The following CNTN5 variants were observed in gnomAD, a reference collection of about 807,000 sequenced individuals.
CNTN5 encodes contactin-5.
In CNTN5, 77 loss-of-function variants were observed where a neutral mutation model predicts 129.1. The observed-to-expected ratio is 0.60, with a 90% confidence interval of 0.50 to 0.72. CNTN5 has a LOEUF of 0.72. CNTN5 is among the 30% of genes least tolerant of loss of function. CNTN5 has a pLI of 0.00. For synonymous variants in CNTN5, 509 were observed against 465.6 expected (o/e 1.09, Z -1.20); for missense variants, 1,478 against 1,328.8 (o/e 1.11, Z -1.75).
chr11:100,102,617 TAAAAG>T (rs1431743980), intron 13 of CNTN5, among the ~76,000 whole-genome samples: 1 of 151,970 alleles, frequency 6.6e-6, no homozygotes, highest in African/African-American at 2.4e-5. Flanking sequence ...CAAAAACTGA[TAAAAG>T]AATAATTTAG....
chr11:100,035,025 G>C (rs1344676193), intron 9 of CNTN5, among the ~76,000 whole-genome samples: 2 of 152,056 alleles, frequency 1.3e-5, no homozygotes, highest in Admixed American at 6.5e-5. Context: ...CAACGTGCAG[G>C]TTTGTTACAT....
intron 1 of CNTN5, among the ~76,000 whole-genome samples, chr11:99,164,236 T>C (rs1860765717): frequency 6.6e-6 from 1 of 151,166 alleles, no homozygotes; most frequent in Admixed American, 6.6e-5. Context: ...TGAGGCAGAA[T>C]TGTCTGAACC....
At chr11:99,075,567 G>T (rs898555811) in intron 1 of CNTN5, among the ~76,000 whole-genome samples, 2 of 152,160 alleles carry the variant, frequency 1.3e-5, no homozygotes, top group Non-Finnish European at 2.9e-5. Flanking sequence ...ATATGAAAGA[G>T]AAATTGTAGT....
chr11:99,743,480 G>C (rs1327925092), intron 3 of CNTN5, among the ~76,000 whole-genome samples: 2 of 152,280 alleles, frequency 1.3e-5, no homozygotes, highest in Admixed American at 1.3e-4. Context: ...GCCTGAACAA[G>C]TTATTAACCC....
chr11:100,233,866 A>T (rs975885415), intron 16 of CNTN5, among the ~76,000 whole-genome samples: 2 of 152,166 alleles, frequency 1.3e-5, no homozygotes, highest in African/African-American at 4.8e-5. Flanking sequence ...GTGAACAGAC[A>T]ACCTACAGAA....
intron 1 of CNTN5, among the ~76,000 whole-genome samples, chr11:99,066,947 G>T (rs1405673036): frequency 6.6e-6 from 1 of 151,950 alleles, no homozygotes; most frequent in African/African-American, 2.4e-5. Flanking sequence ...ACCAATCCAG[G>T]GGCTTTCATC....
Position 100,162,395 on chromosome 11 carries a change from A to G in CNTN5, c.1581-28731A>G, listed in dbSNP as rs540184783. Among the ~76,000 whole-genome samples, 10 of 152,068 alleles carry G rather than the reference A, an allele frequency of 6.6e-5. 1 individual carries two copies. In the South Asian group the frequency reaches 1.9e-3, roughly 28 times the overall value. ...ATGTTTTGTTAGCCTAATACTAGTTATTGTATTTGAGAATAACAAATTATT... is the reference window on the plus strand; with the variant it reads ...ATGTTTTGTTAGCCTAATACTAGTTGTTGTATTTGAGAATAACAAATTATT... On this transcript the variant is annotated intron_variant, in intron 13 of 24. Coordinates refer to ENST00000524871, the MANE Select transcript of CNTN5 (RefSeq NM_014361.4).
chr11:99,051,068 C>T (rs1029581038), intron 1 of CNTN5, among the ~76,000 whole-genome samples: 4 of 151,708 alleles, frequency 2.6e-5, no homozygotes, highest in Non-Finnish European at 4.4e-5. Context: ...ATTAACATGG[C>T]CAAATTACTT....
At chr11:99,627,989 T>C (rs1951191621) in intron 3 of CNTN5, among the ~76,000 whole-genome samples, 1 of 150,424 alleles carries the variant, frequency 6.6e-6, no homozygotes, top group Non-Finnish European at 1.5e-5. Context: ...CATTCTTATT[T>C]GTGTTGGATT....
chr11:99,166,367 C>G (rs1860865852), intron 1 of CNTN5, among the ~76,000 whole-genome samples: 1 of 148,940 alleles, frequency 6.7e-6, no homozygotes, highest in African/African-American at 2.5e-5. Flanking sequence ...CGCCATTGCA[C>G]CCAGCCTGGG....
intron 7 of CNTN5, among the ~76,000 whole-genome samples, chr11:99,948,090 C>T (rs1950592351): frequency 6.6e-6 from 1 of 152,056 alleles, no homozygotes; most frequent in Admixed American, 6.6e-5. Flanking sequence ...GAATACTGTC[C>T]AAGATTAAAC....
intron 1 of CNTN5, among the ~76,000 whole-genome samples, chr11:99,267,597 C>G (rs1044078052): frequency 4.6e-5 from 7 of 151,812 alleles, no homozygotes; most frequent in African/African-American, 1.7e-4. Context: ...TTGATAAAAG[C>G]AAATCTATTT....
chr11:99,784,033 T>C (rs1240994964), intron 3 of CNTN5, among the ~76,000 whole-genome samples: 1 of 152,144 alleles, frequency 6.6e-6, no homozygotes, highest in African/African-American at 2.4e-5. Flanking sequence ...AAAAGCTGTG[T>C]GCCTTGATAC....
chr11:100,120,013 T>G (rs1170794393), intron 13 of CNTN5, among the ~76,000 whole-genome samples: 1 of 151,970 alleles, frequency 6.6e-6, no homozygotes, highest in African/African-American at 2.4e-5. Context: ...TTTTGCATGT[T>G]TTTCTCCTAA....
At chr11:99,373,234 G>A (rs1214545543) in intron 2 of CNTN5, among the ~76,000 whole-genome samples, 1 of 152,042 alleles carries the variant, frequency 6.6e-6, no homozygotes, top group Non-Finnish European at 1.5e-5. Flanking sequence ...ATAATTTGAG[G>A]TTCTTGTCCT....
At chr11:99,495,255 C>A (rs891598038) in intron 2 of CNTN5, among the ~76,000 whole-genome samples, 1 of 152,146 alleles carries the variant, frequency 6.6e-6, no homozygotes, top group Non-Finnish European at 1.5e-5. Context: ...GTAATCCCAG[C>A]TACTCAGGAG....
intron 1 of CNTN5, among the ~76,000 whole-genome samples, chr11:99,223,224 A>C (rs1457060584): frequency 6.6e-6 from 1 of 152,136 alleles, no homozygotes; most frequent in Non-Finnish European, 1.5e-5. Context: ...TACATCAGAG[A>C]AAAAACATGG....
At chr11:99,606,373 A>C (rs1214735584) in intron 3 of CNTN5, among the ~76,000 whole-genome samples, 4 of 136,362 alleles carry the variant, frequency 2.9e-5, no homozygotes, top group East Asian at 2.1e-4. Flanking sequence ...TAAAATACCT[A>C]GGAATCCAAC....
intron 1 of CNTN5, among the ~76,000 whole-genome samples, chr11:99,101,123 A>T (rs1866713474): frequency 6.6e-6 from 1 of 152,158 alleles, no homozygotes; most frequent in Non-Finnish European, 1.5e-5. Context: ...AAGGAGAACC[A>T]AGTGAAAGGA....
Sources: gnomAD v4.1 joint callset for allele counts (sites outside exome capture counted in the v4.1 genomes callset) on GRCh38, gnomAD v4.1.1 for gene constraint, MANE v1.5 for transcripts, NCBI Gene and HGNC (gene_info 2026-07-23, HGNC 2026-07-21) for gene names.